The following DHRSX variants were observed in gnomAD, a reference collection of about 807,000 sequenced individuals.
DHRSX encodes the protein polyprenol dehydrogenase.
DHRSX carries 31 observed loss-of-function variants against 34.0 expected under a neutral mutation model. The ratio of observed to expected loss-of-function variants is 0.91; its 90% CI spans 0.69 to 1.23. DHRSX has a LOEUF of 1.23. Among genes scored for constraint, DHRSX ranks in the 50% most tolerant of loss-of-function variants. The probability of loss-of-function intolerance (pLI) is 0.00; values close to 1 mark genes in which losing one functional copy is unlikely to be tolerated. For synonymous variants in DHRSX, 201 were observed against 183.8 expected, an observed-to-expected ratio of 1.09 and a Z score of -0.76; for missense variants, 414 against 428.1, an observed-to-expected ratio of 0.97 and a Z score of 0.29.
chrX:2,314,931 G>A (rs1344882672), intron 3 of DHRSX, among the ~76,000 whole-genome samples: 1 of 152,124 alleles, frequency 6.6e-6, no homozygotes, highest in Non-Finnish European at 1.5e-5. Context: ...GCCAAAGCGA[G>A]GGAATCACCT....
intron 1 of DHRSX, among the ~76,000 whole-genome samples, chrX:2,433,583 T>C (rs1312423172): frequency 6.6e-6 from 1 of 152,014 alleles, no homozygotes; most frequent in Non-Finnish European, 1.5e-5. Flanking sequence ...GGTTCTGGTG[T>C]GTGATGTCCC....
chrX:2,273,412 G>A (rs1257104567), intron 4 of DHRSX, among the ~76,000 whole-genome samples: 2 of 152,176 alleles, frequency 1.3e-5, no homozygotes, highest in Non-Finnish European at 2.9e-5. Flanking sequence ...GGATAGAACT[G>A]GAGGTTATTA....
intron 1 of DHRSX, among the ~76,000 whole-genome samples, chrX:2,497,124 A>G (rs1404844132): frequency 6.6e-6 from 1 of 152,118 alleles, no homozygotes; most frequent in Non-Finnish European, 1.5e-5. Context: ...GGCCGGGGGC[A>G]GGGGCTCACC....
chrX:2,419,132 T>C (rs1243294755), intron 2 of DHRSX, among the ~76,000 whole-genome samples: 1 of 152,138 alleles, frequency 6.6e-6, no homozygotes, highest in Non-Finnish European at 1.5e-5. Flanking sequence ...AGTTCCTATG[T>C]TGAAATTCTA....
At chrX:2,407,533 A>G (rs888212273) in intron 3 of DHRSX, among the ~76,000 whole-genome samples, 48 of 152,210 alleles carry the variant, frequency 3.2e-4, no homozygotes, top group Admixed American at 3.3e-4. Context: ...TATCTAGATC[A>G]GTTTCTTTAC....
intron 3 of DHRSX, among the ~76,000 whole-genome samples, chrX:2,377,069 A>G (rs2043149125): frequency 6.6e-6 from 1 of 151,784 alleles, no homozygotes. Context: ...CAGATACTGT[A>G]TTGATGCTTC....
At chrX:2,271,110 G>A (rs2041547799) in intron 4 of DHRSX, among the ~76,000 whole-genome samples, 1 of 152,120 alleles carries the variant, frequency 6.6e-6, no homozygotes, top group Non-Finnish European at 1.5e-5. Context: ...CTCACTCTTT[G>A]GGTCTACACT....
rs777288255 is a variant in DHRSX, at chrX:2,475,555, C to T, written c.109+25262G>A. Among the ~76,000 whole-genome samples, 200 of 151,984 alleles carry T rather than the reference C, an allele frequency of 1.3e-3. 2 individuals are homozygous for T. Among genetic ancestry groups the T allele is most frequent in the African/African-American group, 4.4e-3 (184 of 41,420 alleles). ...ATTCCCTAAGCATGTGGCTAAGGGA[C>T]CGCCGCCAGGTACACAATGAAGATG... On this transcript the variant is annotated intron_variant, in intron 1 of 6. Transcript: ENST00000334651.
chrX:2,263,365 G>A (rs1031730722), intron 5 of DHRSX, among the ~76,000 whole-genome samples: 3 of 152,106 alleles, frequency 2.0e-5, no homozygotes, highest in African/African-American at 7.2e-5. Flanking sequence ...ACTGCTTGAT[G>A]ACACAGTGAG....
intron 3 of DHRSX, among the ~76,000 whole-genome samples, chrX:2,315,184 C>T (rs115351942): frequency 0.013 from 1,964 of 150,386 alleles, 45 homozygotes; most frequent in African/African-American, 0.04. Flanking sequence ...AACGTTAGGT[C>T]TTAAGCGTGA....
At chrX:2,340,248 T>A (rs988740765) in intron 3 of DHRSX, among the ~76,000 whole-genome samples, 1 of 151,548 alleles carries the variant, frequency 6.6e-6, no homozygotes, top group African/African-American at 2.4e-5. Flanking sequence ...AGATGACGGG[T>A]TGAGGGGTGC....
intron 1 of DHRSX, among the ~76,000 whole-genome samples, chrX:2,438,445 C>A (rs974015748): frequency 1.8e-4 from 27 of 151,920 alleles, no homozygotes; most frequent in Non-Finnish European, 3.7e-4. Context: ...CTAAGGTGGG[C>A]TGATCACCTG....
At chrX:2,422,369 G>A (rs912295969) in intron 2 of DHRSX, among the ~76,000 whole-genome samples, 2 of 151,770 alleles carry the variant, frequency 1.3e-5, no homozygotes, top group Non-Finnish European at 2.9e-5. Flanking sequence ...CTCAAGCGAT[G>A]CTCCCGCCTC....
At chrX:2,424,340 C>T (rs190075418) in intron 2 of DHRSX, among the ~76,000 whole-genome samples, 45 of 150,234 alleles carry the variant, frequency 3.0e-4, no homozygotes, top group African/African-American at 1.0e-3. Context: ...TAAGACATCT[C>T]AGGAGAAGAG....
At chrX:2,252,928 T>C (rs1569480097) in intron 5 of DHRSX, among the ~76,000 whole-genome samples, 1 of 147,716 alleles carries the variant, frequency 6.8e-6, no homozygotes, top group Non-Finnish European at 1.5e-5. Context: ...CTCGCGCATG[T>C]AATCTGAGCA....
chrX:2,236,332 G>T (rs2016014765), intron 6 of DHRSX, among the ~76,000 whole-genome samples: 1 of 152,160 alleles, frequency 6.6e-6, no homozygotes, highest in Non-Finnish European at 1.5e-5. Flanking sequence ...GGATACCTGG[G>T]GGAAGGGCGT....
chrX:2,245,454 G>A (rs1454735037), intron 5 of DHRSX, among the ~76,000 whole-genome samples: 2 of 151,562 alleles, frequency 1.3e-5, no homozygotes, highest in Non-Finnish European at 2.9e-5. Context: ...GATTACCAGC[G>A]CCCGCCACCA....
chrX:2,223,152 G>A (rs1156944839), intron 6 of DHRSX, among the ~76,000 whole-genome samples: 1 of 151,972 alleles, frequency 6.6e-6, no homozygotes, highest in Non-Finnish European at 1.5e-5. Context: ...TTGAACTGTA[G>A]CTCCCATAAT....
intron 3 of DHRSX, among the ~76,000 whole-genome samples, chrX:2,324,088 G>C (rs1390047891): frequency 6.6e-6 from 1 of 151,160 alleles, no homozygotes; most frequent in African/African-American, 2.4e-5. Flanking sequence ...TTTGCACAAA[G>C]TTTTACGATG....
Sources: allele counts gnomAD v4.1 joint callset (sites outside exome capture counted in the v4.1 genomes callset), GRCh38; gene constraint gnomAD v4.1.1; transcripts MANE v1.5; gene names NCBI Gene and HGNC (gene_info 2026-07-23, HGNC 2026-07-21).